IPO13: variants seen among roughly 807,000 people sequenced by gnomAD.
The protein encoded by IPO13 is importin-13.
In IPO13, 28 loss-of-function variants were observed where a neutral mutation model predicts 115.5. That is an observed-to-expected ratio of 0.24 (90% CI 0.18 to 0.33). The LOEUF (loss-of-function observed/expected upper bound fraction) is 0.33, where lower values mean the gene tolerates loss of function less well. IPO13 is among the 10% of genes least tolerant of loss of function. The pLI is 1.00. For missense variants in IPO13, 785 were observed against 1,204.6 expected, an observed-to-expected ratio of 0.65 and a Z score of 5.16; for synonymous variants, 414 against 478.9, an observed-to-expected ratio of 0.86 and a Z score of 1.77.
In IPO13 at chr1:43,947,298, A is replaced by G. The variant is rs2154301979; in HGVS notation, c.-303A>G. The G allele has an allele frequency of 2.5e-6, 1 of 399,086 alleles. No homozygotes were observed. Among genetic ancestry groups the G allele is most frequent in the African/African-American group, 2.1e-5 (1 of 48,702 alleles). The allele number at this position is 399,086 out of a possible 1,614,324, so 24.7% of individuals were successfully genotyped here. On this transcript the variant is annotated 5_prime_UTR_variant, in exon 1 of 20. Coordinates refer to ENST00000372343, the MANE Select transcript of IPO13 (RefSeq NM_014652.4). ...GCCTCCCTCCCCTGTGACTCCCTCC[A>G]CACAGATTCTGGGGACAGAGCTGTT...
In IPO13 at chr1:43,966,604, G is replaced by T. The variant is rs1429183071; in HGVS notation, c.2427G>T (p.Leu809=). 2 of 1,614,048 alleles carry T rather than the reference G, an allele frequency of 1.2e-6. No individual in the cohort carries two copies. Among genetic ancestry groups the T allele is most frequent in the East Asian group, 2.2e-5 (1 of 44,898 alleles). ...QALKRKPDLF[L]CERLDVKAVF... ...TGAAGCGGAAGCCAGATTTGTTCCT[G>T]TGTGAACGATTGGATGTCAAAGCTG... Residue 809 remains leucine, a synonymous_variant, in exon 16 of 20, where the codon CTG becomes CTT. Transcript: ENST00000372343. This position sits in a 1 kb window ranked among gnomAD's most constrained non-coding sequence, Gnocchi z 4.1.
rs1054269813 is a variant in IPO13, at chr1:43,966,863, G to A, written c.2524-67G>A. Reference sequence around the variant, plus strand: ...GGACTTCAGACAGTAGGGCTGGGGTGTACAGGTCTTGTCCTCAGGGAGAGC... The same window carrying A: ...GGACTTCAGACAGTAGGGCTGGGGTATACAGGTCTTGTCCTCAGGGAGAGC... On this transcript the variant is annotated intron_variant, in intron 17 of 19. Transcript: ENST00000372343. This position sits in a 1 kb window ranked among gnomAD's most constrained non-coding sequence, Gnocchi z 4.1. 37 of 1,607,174 alleles carry A rather than the reference G, an allele frequency of 2.3e-5. No homozygotes were observed. Among genetic ancestry groups the A allele is most frequent in the Non-Finnish European group, 3.1e-5 (36 of 1,174,118 alleles).
In IPO13 at chr1:43,958,622, C is replaced by T. The variant is rs529804830; in HGVS notation, c.1884+27C>T. The T allele has an allele frequency of 4.5e-5, 72 of 1,613,644 alleles. No individual in the cohort carries two copies. In the South Asian group the frequency reaches 6.5e-4, roughly 15 times the overall value. Reference sequence around the variant, plus strand: ...TGAGTGAGCTCTGGGGGCCAGGGAGCGGTACTGAGATGCTGTGGCTGATGA... The same window carrying T: ...TGAGTGAGCTCTGGGGGCCAGGGAGTGGTACTGAGATGCTGTGGCTGATGA... On this transcript the variant is annotated intron_variant, in intron 10 of 19. Transcript: ENST00000372343. The surrounding 1 kb of genome is among the most constrained non-coding windows in gnomAD (Gnocchi z 6.3).
chr1:43,966,766 C>T lies in IPO13; in HGVS notation c.2507C>T (p.Ala836Val), dbSNP rs1177363541. ...TTCCCTGAGGCACCTACTGTCAAGG[C>T]CTCCTGTGGCTTCTTTGTGAGTCCC... ...LKFPEAPTVK[A>V]SCGFFTELLP... is the part of the protein sequence containing the mutation. The change falls in exon 17 of 20, where the codon GCC becomes GTC. Residue 836 changes from alanine to valine, a missense_variant. Around this residue, in one of 3 missense-constraint regions of IPO13, gnomAD observed 285 missense variants for 394.8 expected, o/e 0.72. Coordinates refer to ENST00000372343, the MANE Select transcript of IPO13 (RefSeq NM_014652.4). The surrounding 1 kb of genome is among the most constrained non-coding windows in gnomAD (Gnocchi z 4.1). 6.2e-7 allele frequency: 1 copy of T among 1,614,190 alleles called. No homozygotes were observed. The highest frequency in any genetic ancestry group is 1.1e-5 in the South Asian group (1 of 91,090).
intron 15 of IPO13, among the ~76,000 whole-genome samples, 177 bp downstream of exon 15, chr1:43,964,498 G>A (rs1277340307): frequency 6.6e-6 from 1 of 152,070 alleles, no homozygotes; most frequent in African/African-American, 2.4e-5. Flanking sequence ...CTCCTTTAGT[G>A]CCCCTATGCC....
At position 43,957,303 on chromosome 1, in the gene IPO13, C is replaced by A. The variant is rs927139204; in HGVS notation, c.1380C>A (p.Pro460=). Residue 460 remains proline (P), a synonymous_variant, in exon 6 of 20, where the codon CCC becomes CCA. Transcript: ENST00000372343. Reference sequence around the variant, plus strand: ...GTTTGCTCACCAGCTCAGAGGAGCCCTACTCCTGGCAGGTACCTCCCAAGC... The same window carrying A: ...GTTTGCTCACCAGCTCAGAGGAGCCATACTCCTGGCAGGTACCTCCCAAGC... ...LGRLLTSSEE[P]YSWQHTEALL... The A allele has an allele frequency of 1.2e-6, 2 of 1,613,942 alleles. No individual in the cohort carries two copies. The highest frequency in any genetic ancestry group is 4.5e-5 in the East Asian group (2 of 44,884).
chr1:43,962,397 T>G (rs975586838), intron 14 of IPO13, among the ~76,000 whole-genome samples: 5 of 152,252 alleles, frequency 3.3e-5, no homozygotes, highest in African/African-American at 4.8e-5. Context: ...CTCTCCAATC[T>G]GTTCTGCACA....
intron 12 of IPO13, 123 bp downstream of exon 12, chr1:43,960,452 C>A: frequency 1.2e-6 from 1 of 855,558 alleles, no homozygotes; most frequent in Non-Finnish European, 1.9e-6. Flanking sequence ...GAATCCTGCC[C>A]CATAGAGATA....
chr1:43,959,315 C>A (rs1229588787), intron 11 of IPO13, among the ~76,000 whole-genome samples: 3 of 152,222 alleles, frequency 2.0e-5, no homozygotes, highest in Non-Finnish European at 4.4e-5. Context: ...TGTAATAGTT[C>A]TGGCCTTCAA....
rs1247508356 is a variant in IPO13, at chr1:43,947,696, C to T, written c.84+12C>T. ...AGAACGTGGAGAAGGTATGAGGGCT[C>T]TGGGGTGGGCACTCCAGTGACAGAG... On this transcript the variant is annotated intron_variant, in intron 1 of 19. Transcript: ENST00000372343. 1.6e-6 allele frequency: 2 copies of T among 1,278,060 alleles called. No homozygotes were observed. The highest frequency in any genetic ancestry group is 5.2e-5 in the South Asian group (2 of 38,526). 79.2% of individuals were successfully genotyped at this position (1,278,060 alleles called of 1,614,324 possible).
intron 14 of IPO13, 120 bp downstream of exon 14, chr1:43,961,382 G>C: frequency 3.7e-6 from 3 of 811,802 alleles, no homozygotes; most frequent in South Asian, 1.4e-5. Flanking sequence ...CGTGGGACTT[G>C]ATGGGAAACC....
At chr1:43,955,288 T>A (rs2085236708) in intron 2 of IPO13, among the ~76,000 whole-genome samples, 1 of 152,038 alleles carries the variant, frequency 6.6e-6, no homozygotes, top group African/African-American at 2.4e-5. Flanking sequence ...AAATCAGGGC[T>A]TATGAGCCTG....
In IPO13 at chr1:43,952,027, G is replaced by A. The variant is rs567859325; in HGVS notation, c.821+1874G>A. On this transcript the variant is annotated intron_variant, in intron 2 of 19. Transcript: ENST00000372343. The surrounding 1 kb of genome is among the most constrained non-coding windows in gnomAD (Gnocchi z 4.7). ...TATTTTGACTCCTTGAGTAATGGGA[G>A]TTCTTTTGTGGTCTCTGCTAGGGTT... is the stretch of plus-strand genomic sequence containing the variant. Among the ~76,000 whole-genome samples, 25 of 152,296 alleles carry A rather than the reference G, an allele frequency of 1.6e-4. No homozygotes were observed. Among genetic ancestry groups the A allele is most frequent in the South Asian group, 6.2e-4 (3 of 4,822 alleles).
chr1:43,955,775 G>A (rs995445589), intron 2 of IPO13, among the ~76,000 whole-genome samples: 1 of 152,034 alleles, frequency 6.6e-6, no homozygotes, highest in African/African-American at 2.4e-5. Context: ...GTATCTTTTT[G>A]TGGGGACTTA....
chr1:43,956,869 A>G lies in IPO13; in HGVS notation c.1164A>G (p.Pro388=). 1 of 1,614,236 alleles carries G rather than the reference A, an allele frequency of 6.2e-7. No homozygotes were observed. Among genetic ancestry groups the G allele is most frequent in the South Asian group, 1.1e-5 (1 of 91,086 alleles). Residue 388 remains proline, a synonymous_variant, in exon 5 of 20, where the codon CCA becomes CCG. Coordinates refer to ENST00000372343, the MANE Select transcript of IPO13 (RefSeq NM_014652.4). The surrounding 1 kb of genome is among the most constrained non-coding windows in gnomAD (Gnocchi z 4.7). The part of the protein sequence containing the change: ...KQAVYQQVYR[P]VYFQLVDVLL... The stretch of plus-strand genomic sequence containing the variant: ...CTGTATACCAGCAGGTGTACCGGCC[A>G]GTCTACTTCCAGCTGGTGGATGTGC...
At position 43,947,002 on chromosome 1, in the gene IPO13, C is replaced by T. The variant is rs1301399987; in HGVS notation, c.-599C>T. On this transcript the variant is annotated 5_prime_UTR_variant, in exon 1 of 20. Transcript: ENST00000372343. ...GGCAGCGGCTGTAGCGGGGCTGTAGCCGGGCGTTGAGCACAGCGCGGGCCA... is the reference window on the plus strand; with the variant it reads ...GGCAGCGGCTGTAGCGGGGCTGTAGTCGGGCGTTGAGCACAGCGCGGGCCA... The T allele has an allele frequency of 5.0e-6, 2 of 398,648 alleles. No homozygotes were observed. The highest frequency in any genetic ancestry group is 8.8e-6 in the Non-Finnish European group (2 of 226,170). The allele number at this position is 398,648 out of a possible 1,614,324, so 24.7% of individuals were successfully genotyped here.
chr1:43,955,577 C>G (rs747797807), intron 2 of IPO13, among the ~76,000 whole-genome samples: 2 of 152,206 alleles, frequency 1.3e-5, no homozygotes, highest in Non-Finnish European at 2.9e-5. Flanking sequence ...TCACTCCACT[C>G]TCTACTTTCA....
In IPO13 at chr1:43,950,110, G is replaced by A; in HGVS notation, c.778G>A (p.Val260Met). The A allele has an allele frequency of 6.2e-7, 1 of 1,613,460 alleles. No homozygotes were observed. ...LQDSELFDSS[V>M]EAIVNAISQP... ...GGACTCGGAGCTCTTCGACAGCAGT[G>A]TGGAGGCCATTGTGAATGCCATCTC... Residue 260 changes from valine (V) to methionine (M), a missense_variant, in exon 2 of 20, where the codon GTG becomes ATG. Coordinates refer to ENST00000372343, the MANE Select transcript of IPO13 (RefSeq NM_014652.4).
rs557798596 is a variant in IPO13, at chr1:43,967,088, GGAGGCTT to G, written c.2613+73_2613+79del. On this transcript the variant is annotated intron_variant, in intron 18 of 19. Coordinates refer to ENST00000372343, the MANE Select transcript of IPO13 (RefSeq NM_014652.4). This position sits in a 1 kb window ranked among gnomAD's most constrained non-coding sequence, Gnocchi z 6.1. ...CACTGCTGAGGCAGCTGGCCTTCTG[GGAGGCTT>G]GAGCCTTTGGTCCCCTAAGCTCTCA... 794 of 1,440,752 alleles carry G rather than the reference GGAGGCTT, an allele frequency of 5.5e-4. 5 individuals are homozygous for G. The highest frequency in any genetic ancestry group is 1.0e-3 in the Admixed American group (60 of 59,446). The allele number at this position is 1,440,752 out of a possible 1,614,324, so 89.2% of individuals were successfully genotyped here. A position where few individuals can be genotyped will look rare whatever the true frequency, so the allele number is the denominator to read the frequency against.
Sources: allele counts gnomAD v4.1 joint callset (sites outside exome capture counted in the v4.1 genomes callset), GRCh38; gene constraint gnomAD v4.1.1; regional missense constraint gnomAD v4.1.1; non-coding constraint Gnocchi (gnomAD v3.1); transcripts MANE v1.5; gene names NCBI Gene and HGNC (gene_info 2026-07-23, HGNC 2026-07-21).